The following STAG3 variants were observed in gnomAD, a reference collection of about 807,000 sequenced individuals.
The protein encoded by STAG3 is cohesin subunit SA-3.
A neutral mutation model predicts 160.7 loss-of-function variants in STAG3; 101 were observed. The ratio of observed to expected loss-of-function variants is 0.63; its 90% CI spans 0.54 to 0.74. The LOEUF (loss-of-function observed/expected upper bound fraction) is 0.74. STAG3 is among the 30% of genes least tolerant of loss of function. STAG3 has a pLI of 0.00. For missense variants in STAG3, 1,188 were observed against 1,517.4 expected (o/e 0.78, Z 3.61); for synonymous variants, 519 against 585.0 (o/e 0.89, Z 1.63).
chr7:100,197,175 C>T lies in STAG3; in HGVS notation c.961C>T (p.Arg321Cys), dbSNP rs201133424. ...HRYRDVLPEI[R>C]AICIEEIGCW... ...GTCTAGGGATGTCCTTCCTGAGATC[C>T]GTGCTATCTGCATTGAGGAAATTGG... The change falls in exon 10 of 34, where the codon CGT (arginine) becomes TGT (cysteine). Residue 321 changes from arginine (R) to cysteine (C), a missense_variant. Transcript: ENST00000615138. The T allele has an allele frequency of 6.4e-5, 103 of 1,600,636 alleles. No individual in the cohort carries two copies. The highest frequency in any genetic ancestry group is 8.5e-5 in the Non-Finnish European group (100 of 1,170,716).
chr7:100,210,950 G>C, intron 29 of STAG3, 61 bp from the exon 30 acceptor site: 1 of 1,543,906 alleles, frequency 6.5e-7, no homozygotes, highest in Non-Finnish European at 8.8e-7. Context: ...GCAGGTCTTG[G>C]AAAGAGAGCA....
At chr7:100,186,852 GGATGCAATAATGTTACT>G (rs1272039557) in intron 5 of STAG3, among the ~76,000 whole-genome samples, 365 of 152,238 alleles carry the variant, frequency 2.4e-3, no homozygotes, top group African/African-American at 8.1e-3. Context: ...TGGTCTTTCT[GGATGCAATAATGTTACT>G]CTTTGTTTCC....
chr7:100,191,044 C>T (rs1800316282), intron 8 of STAG3, among the ~76,000 whole-genome samples: 2 of 152,134 alleles, frequency 1.3e-5, no homozygotes, highest in African/African-American at 4.8e-5. Context: ...AGGATGTTCC[C>T]TTTCTCCTTA....
chr7:100,200,651 C>T, intron 18 of STAG3, 109 bp downstream of exon 18: 3 of 1,530,532 alleles, frequency 2.0e-6, no homozygotes, highest in Non-Finnish European at 1.8e-6. Context: ...AATCAGCAAG[C>T]CTTTTCTTAG....
intron 2 of STAG3, chr7:100,181,045 C>G (rs574465226): frequency 5.9e-6 from 1 of 169,194 alleles, no homozygotes; most frequent in Non-Finnish European, 1.3e-5. Flanking sequence ...TTTCTATGTT[C>G]AGCATGTACC....
At chr7:100,217,082 C>G (rs1177666797), downstream of STAG3, among the ~76,000 whole-genome samples, 5 of 152,226 alleles carry the variant, frequency 3.3e-5, no homozygotes, top group African/African-American at 4.8e-5. Flanking sequence ...CAATACTGAT[C>G]GTATTCCAAG....
At chr7:100,185,559 A>G (rs574705727) in intron 4 of STAG3, among the ~76,000 whole-genome samples, 12 of 150,346 alleles carry the variant, frequency 8.0e-5, no homozygotes, top group Non-Finnish European at 1.5e-4. Flanking sequence ...CCGAGATCAC[A>G]CCATTGCACT....
chr7:100,210,905 C>T (rs1802131397), intron 29 of STAG3, 106 bp from the exon 30 acceptor site: 1 of 1,250,564 alleles, frequency 8.0e-7, no homozygotes, highest in East Asian at 2.4e-5. Flanking sequence ...GTTTTCCATT[C>T]TCTTCCTGAT....
At chr7:100,204,556 G>A in intron 26 of STAG3, 71 bp from the exon 27 acceptor site, 3 of 1,560,906 alleles carry the variant, frequency 1.9e-6, no homozygotes, top group South Asian at 1.2e-5. Flanking sequence ...GAGTAGAGAA[G>A]AGAATGCTGG....
chr7:100,218,034 C>T (rs1253082891), downstream of STAG3, among the ~76,000 whole-genome samples: 8 of 149,832 alleles, frequency 5.3e-5, no homozygotes, highest in African/African-American at 1.5e-4. Flanking sequence ...CTCCCTTTCC[C>T]GGTCTGCTAA....
At position 100,201,071 on chromosome 7, in the gene STAG3, G is replaced by A; in HGVS notation, c.2062-19G>A. 1 of 1,614,104 alleles carries A rather than the reference G, an allele frequency of 6.2e-7. No individual in the cohort carries two copies. Among genetic ancestry groups the A allele is most frequent in the East Asian group, 2.2e-5 (1 of 44,886 alleles). ...GAGTTCTGGGGGAAATGCTATTGTG[G>A]ATCTTCTTTCCTTCTCAGTCGTCCT... On this transcript the variant is annotated intron_variant, in intron 19 of 33. Transcript: ENST00000615138.
Position 100,201,342 on chromosome 7 carries a change from T to C in STAG3, c.2211T>C (p.Val737=), listed in dbSNP as rs772143023. 6.2e-7 allele frequency: 1 copy of C among 1,614,114 alleles called. No homozygotes were observed. The highest frequency in any genetic ancestry group is 8.5e-7 in the Non-Finnish European group (1 of 1,179,982). Residue 737 remains valine (V), a synonymous_variant, in exon 21 of 34, where the codon GTT becomes GTC. Transcript: ENST00000615138. The part of the protein sequence containing the change: ...LLQKAVDTGE[V]PHQVILPALT... ...AGAAGGCTGTGGACACAGGAGAGGT[T>C]CCTCACCAGGTGAGTGGACAGGCTA...
intron 32 of STAG3, chr7:100,212,077 A>G: frequency 1.9e-6 from 1 of 518,726 alleles, no homozygotes; most frequent in Non-Finnish European, 3.4e-6. Flanking sequence ...AAAAGAAATT[A>G]CAAATACCAA....
intron 2 of STAG3, 157 bp downstream of exon 2, chr7:100,180,829 T>C (rs914146087): frequency 9.3e-6 from 5 of 535,500 alleles, no homozygotes; most frequent in South Asian, 8.9e-5. Flanking sequence ...GCTCCAGGTG[T>C]TTTTTTTGGC....
intron 1 of STAG3, among the ~76,000 whole-genome samples, chr7:100,180,031 A>T (rs1799541252): frequency 6.6e-6 from 1 of 152,034 alleles, no homozygotes; most frequent in African/African-American, 2.4e-5. Flanking sequence ...CACTGTGCCC[A>T]GCCATTTGTC....
chr7:100,191,622 T>C (rs1234497168), intron 8 of STAG3, among the ~76,000 whole-genome samples: 1 of 152,220 alleles, frequency 6.6e-6, no homozygotes, highest in Non-Finnish European at 1.5e-5. Flanking sequence ...AATCTGAACC[T>C]TTAGCGAGTT....
At chr7:100,189,324 G>A in intron 7 of STAG3, 121 bp from the exon 8 acceptor site, 5 of 1,157,766 alleles carry the variant, frequency 4.3e-6, no homozygotes, top group Non-Finnish European at 6.1e-6. Context: ...AGGATTTTAG[G>A]GTCATCCTGC....
Position 100,214,078 on chromosome 7 carries a change from G to C in STAG3, c.*63G>C. On this transcript the variant is annotated 3_prime_UTR_variant, in exon 34 of 34. Transcript: ENST00000615138. Reference sequence around the variant, plus strand: ...TCAAGAATGTGACCATTTGGAAAAGGCAAAGAGAAAAGGAGCAAAATGAAG... The same window carrying C: ...TCAAGAATGTGACCATTTGGAAAAGCCAAAGAGAAAAGGAGCAAAATGAAG... 6.2e-7 allele frequency: 1 copy of C among 1,600,210 alleles called. No individual in the cohort carries two copies. Among genetic ancestry groups the C allele is most frequent in the Non-Finnish European group, 8.5e-7 (1 of 1,169,648 alleles).
At chr7:100,182,358 CAA>C (rs548211372) in intron 3 of STAG3, among the ~76,000 whole-genome samples, 166 bp downstream of exon 3, 3 of 97,912 alleles carry the variant, frequency 3.1e-5, no homozygotes, top group African/African-American at 3.9e-5. Flanking sequence ...GACTCCGTCT[CAA>C]AAAAAAAAAA....
Sources: allele counts gnomAD v4.1 joint callset (sites outside exome capture counted in the v4.1 genomes callset), GRCh38; gene constraint gnomAD v4.1.1; transcripts MANE v1.5; gene names NCBI Gene and HGNC (gene_info 2026-07-23, HGNC 2026-07-21).